NDUFS5: variants seen among roughly 807,000 people sequenced by gnomAD.
The protein encoded by NDUFS5 is NADH:ubiquinone oxidoreductase subunit S5, also known as NADH dehydrogenase [ubiquinone] iron-sulfur protein 5.
Under a neutral mutation model 10.5 loss-of-function variants are expected in NDUFS5, and 7 were observed. The ratio of observed to expected loss-of-function variants is 0.66; its 90% CI spans 0.38 to 1.25. NDUFS5 has a LOEUF of 1.25. Among genes scored for constraint, NDUFS5 ranks in the 50% most tolerant of loss-of-function variants. The probability of loss-of-function intolerance (pLI) is 0.02; values close to 1 mark genes in which losing one functional copy is unlikely to be tolerated. For missense variants in NDUFS5, 148 were observed against 140.7 expected, an observed-to-expected ratio of 1.05 and a Z score of -0.26; for synonymous variants, 38 against 44.0, an observed-to-expected ratio of 0.86 and a Z score of 0.54.
chr1:39,028,568 GA>G (rs1644168706), intron 1 of NDUFS5, among the ~76,000 whole-genome samples, 154 bp from the exon 2 acceptor site: 2 of 152,188 alleles, frequency 1.3e-5, no homozygotes, highest in African/African-American at 4.8e-5. Context: ...CCTATTTAAT[GA>G]AAAAGTTTGG....
intron 1 of NDUFS5, among the ~76,000 whole-genome samples, chr1:39,027,888 G>A (rs797011077): frequency 1.6e-4 from 23 of 139,454 alleles, no homozygotes; most frequent in African/African-American, 2.4e-4. Context: ...GCGGATCTTG[G>A]CTTATTGCAA....
At chr1:39,028,601 A>G in intron 1 of NDUFS5, 122 bp from the exon 2 acceptor site, 1 of 874,350 alleles carries the variant, frequency 1.1e-6, no homozygotes, top group Non-Finnish European at 1.8e-6. Context: ...CAGGAGAATA[A>G]TATCAAACAG....
At position 39,027,581 on chromosome 1, in the gene NDUFS5, G is replaced by GTGTTTTTTTTTTT. The variant is rs1644158638; in HGVS notation, c.-2-1141_-2-1140insGTTTTTTTTTTTT. On this transcript the variant is annotated intron_variant, in intron 1 of 2. Transcript: ENST00000372969. ...GTCTTAACCCATTTCTTTCGCTCTG[G>GTGTTTTTTTTTTT]TTTTTTTTTTTTTTTGAGACAGGAT... Among the ~76,000 whole-genome samples the GTGTTTTTTTTTTT allele has an allele frequency of 5.3e-4, 48 of 91,130 alleles. 1 individual carries two copies. Among genetic ancestry groups the GTGTTTTTTTTTTT allele is most frequent in the Non-Finnish European group, 9.1e-4 (41 of 45,278 alleles). 59.8% of individuals were successfully genotyped at this position (91,130 alleles called of 152,430 possible).
At chr1:39,033,891 C>G (rs1433156374) in intron 2 of NDUFS5, among the ~76,000 whole-genome samples, 2 of 151,788 alleles carry the variant, frequency 1.3e-5, no homozygotes, top group Non-Finnish European at 2.9e-5. Context: ...ACCTCCGCCT[C>G]CCAAGTTCAA....
intron 2 of NDUFS5, among the ~76,000 whole-genome samples, chr1:39,029,234 C>A (rs1013998757): frequency 2.0e-5 from 3 of 151,974 alleles, no homozygotes; most frequent in Non-Finnish European, 4.4e-5. Flanking sequence ...CTCAGGTGAT[C>A]CGCCCCCCTC....
Position 39,028,713 on chromosome 1 carries a change from T to G in NDUFS5, c.-2-10T>G. On this transcript the variant is annotated splice_polypyrimidine_tract_variant and intron_variant, in intron 1 of 2. Transcript: ENST00000372969. ...TTTATTTACTTATTTTTTTAAATCT[T>G]CCATTACAGCCATGCCTTTCTTGGA... 1 of 1,612,890 alleles carries G rather than the reference T, an allele frequency of 6.2e-7. No individual in the cohort carries two copies. Among genetic ancestry groups the G allele is most frequent in the East Asian group, 2.2e-5 (1 of 44,872 alleles).
At chr1:39,029,275 G>A (rs1214636395) in intron 2 of NDUFS5, among the ~76,000 whole-genome samples, 3 of 152,140 alleles carry the variant, frequency 2.0e-5, no homozygotes, top group Non-Finnish European at 4.4e-5. Flanking sequence ...TCACAGGCAT[G>A]AGCCACCGTG....
chr1:39,028,763 C>T lies in NDUFS5; in HGVS notation c.39C>T (p.Asn13=). The T allele has an allele frequency of 6.2e-7, 1 of 1,614,088 alleles. No individual in the cohort carries two copies. Among genetic ancestry groups the T allele is most frequent in the South Asian group, 1.1e-5 (1 of 91,072 alleles). The stretch of plus-strand genomic sequence containing the variant: ...ACATCCAGAAAAGGTTCGGCCTTAA[C>T]ATAGATCGATGGTTGACAATCCAGA... ...FLDIQKRFGL[N]IDRWLTIQSG... is the part of the protein sequence containing the mutation. The change falls in exon 2 of 3, where the codon AAC becomes AAT. Residue 13 remains asparagine (N), a synonymous_variant. Transcript: ENST00000372969.
chr1:39,033,894 A>G (rs1388246215), intron 2 of NDUFS5, among the ~76,000 whole-genome samples: 1 of 143,676 alleles, frequency 7.0e-6, no homozygotes, highest in Admixed American at 7.0e-5. Context: ...TCCGCCTCCC[A>G]AGTTCAAGCA....
intron 2 of NDUFS5, among the ~76,000 whole-genome samples, chr1:39,033,908 C>T (rs1007816527): frequency 1.3e-5 from 2 of 151,966 alleles, no homozygotes; most frequent in Non-Finnish European, 2.9e-5. Context: ...TCAAGCAATT[C>T]TCCTGCCTCA....
At chr1:39,028,986 T>C (rs749986015) in intron 2 of NDUFS5, 46 bp downstream of exon 2, 16 of 1,521,300 alleles carry the variant, frequency 1.1e-5, no homozygotes, top group Non-Finnish European at 1.4e-5. Flanking sequence ...TCTTGTTCCT[T>C]TGGGACTCTT....
chr1:39,034,051 C>G (rs6691796), intron 2 of NDUFS5, among the ~76,000 whole-genome samples: 5,807 of 152,164 alleles, frequency 0.038, 290 homozygotes, highest in East Asian at 0.27. Flanking sequence ...CCACCCGCCT[C>G]AGCCTCCCAA....
intron 1 of NDUFS5, among the ~76,000 whole-genome samples, chr1:39,027,581 G>GTTTTTTTTATTTT (rs1644158751): frequency 1.1e-5 from 1 of 91,134 alleles, no homozygotes; most frequent in African/African-American, 3.9e-5. Flanking sequence ...TTTCGCTCTG[G>GTTTTTTTTATTTT]TTTTTTTTTT....
In NDUFS5 at chr1:39,028,801, C is replaced by A. The variant is rs1010942643; in HGVS notation, c.77C>A (p.Pro26His). The change falls in exon 2 of 3, where the codon CCC (proline) becomes CAC (histidine). Residue 26 changes from proline to histidine, a missense_variant. Coordinates refer to ENST00000372969, the MANE Select transcript of NDUFS5 (RefSeq NM_004552.3). Reference protein sequence around the residue: ...RWLTIQSGEQPYKMAGRCHAF... With the variant: ...RWLTIQSGEQHYKMAGRCHAF... ...TTGACAATCCAGAGTGGTGAACAGCCCTACAAGATGGCTGGTCGATGCCAT... is the reference window on the plus strand; with the variant it reads ...TTGACAATCCAGAGTGGTGAACAGCACTACAAGATGGCTGGTCGATGCCAT... 2 of 1,613,882 alleles carry A rather than the reference C, an allele frequency of 1.2e-6. No homozygotes were observed. The highest frequency in any genetic ancestry group is 1.7e-6 in the Non-Finnish European group (2 of 1,180,022).
At chr1:39,034,351 A>AT in intron 2 of NDUFS5, 41 bp from the exon 3 acceptor site, 1 of 1,596,724 alleles carries the variant, frequency 6.3e-7, no homozygotes, top group Admixed American at 1.7e-5. Context: ...TTTTTGGCAC[A>AT]TATCTCCTCC....
intron 2 of NDUFS5, among the ~76,000 whole-genome samples, chr1:39,033,461 G>A (rs111349795): frequency 0.11 from 17,062 of 150,146 alleles, 1,207 homozygotes; most frequent in Non-Finnish European, 0.16. Context: ...TAGTCCCAGC[G>A]ACTCGGGAGG....
chr1:39,027,241 T>C (rs1644155170), intron 1 of NDUFS5, among the ~76,000 whole-genome samples: 1 of 152,064 alleles, frequency 6.6e-6, no homozygotes, highest in Non-Finnish European at 1.5e-5. Context: ...CGGCTAATTT[T>C]GTATTTTTTT....
At chr1:39,030,328 CTG>C (rs1368854757) in intron 2 of NDUFS5, among the ~76,000 whole-genome samples, 5 of 150,970 alleles carry the variant, frequency 3.3e-5, no homozygotes, top group African/African-American at 4.9e-5. Flanking sequence ...TCGCCTGAAA[CTG>C]AGAGGCAGAG....
chr1:39,034,340 CT>C, intron 2 of NDUFS5, 51 bp from the exon 3 acceptor site: 1 of 1,569,908 alleles, frequency 6.4e-7, no homozygotes, highest in Non-Finnish European at 8.8e-7. Flanking sequence ...CCAGTTCTCA[CT>C]TTTTGGCACA....
Sources: allele counts gnomAD v4.1 joint callset (sites outside exome capture counted in the v4.1 genomes callset), GRCh38; gene constraint gnomAD v4.1.1; transcripts MANE v1.5; gene names NCBI Gene and HGNC (gene_info 2026-07-23, HGNC 2026-07-21).